FBXO4: variants seen among roughly 807,000 people sequenced by gnomAD.
FBXO4 encodes the protein F-box protein 4.
Under a neutral mutation model 43.7 loss-of-function variants are expected in FBXO4, and 36 were observed. The ratio of observed to expected loss-of-function variants is 0.82; its 90% CI spans 0.63 to 1.09. The LOEUF (loss-of-function observed/expected upper bound fraction) is 1.09, where lower values mean the gene tolerates loss of function less well. Ranked by LOEUF, FBXO4 falls within the 50% of genes least tolerant of loss-of-function variation. FBXO4 has a pLI of 0.00. For synonymous variants in FBXO4, 180 were observed against 165.6 expected (o/e 1.09, Z -0.67); for missense variants, 435 against 474.1 (o/e 0.92, Z 0.77).
At chr5:41,940,750 C>G (rs1751985458) in intron 6 of FBXO4, among the ~76,000 whole-genome samples, 3 of 152,198 alleles carry the variant, frequency 2.0e-5, no homozygotes, top group Admixed American at 1.3e-4. Context: ...TTGAAAACTA[C>G]TAATAAAGTT....
the FBXO4 span, among the ~76,000 whole-genome samples, chr5:41,997,732 T>C: frequency 1.3e-5 from 2 of 152,164 alleles, no homozygotes; most frequent in Non-Finnish European, 2.9e-5. Flanking sequence ...CAGTGTCCAG[T>C]ACTCCCCAAA....
At chr5:41,956,697 T>TA in the FBXO4 span, among the ~76,000 whole-genome samples, 11,508 of 148,488 alleles carry the variant, frequency 0.078, 645 homozygotes, top group African/African-American at 0.16. Context: ...TTGTATGTAA[T>TA]TTTTTTTTCT....
chr5:41,974,090 C>T, the FBXO4 span, among the ~76,000 whole-genome samples: 1 of 152,112 alleles, frequency 6.6e-6, no homozygotes, highest in Non-Finnish European at 1.5e-5. Context: ...TGTTATCTTT[C>T]TTTCTCCGTA....
the FBXO4 span, among the ~76,000 whole-genome samples, chr5:41,952,945 T>A: frequency 2.6e-5 from 4 of 152,208 alleles, no homozygotes; most frequent in Admixed American, 6.5e-5. Context: ...ATTCTATCAG[T>A]TTTTTTCTTT....
At chr5:42,022,650 A>T in the FBXO4 span, among the ~76,000 whole-genome samples, 2 of 152,012 alleles carry the variant, frequency 1.3e-5, no homozygotes, top group African/African-American at 2.4e-5. Context: ...TTATAGACAT[A>T]ATTAGTTACA....
intron 3 of FBXO4, among the ~76,000 whole-genome samples, chr5:41,932,816 C>T (rs1172516142): frequency 1.3e-5 from 2 of 152,042 alleles, no homozygotes; most frequent in South Asian, 4.1e-4. Flanking sequence ...ATTTATATAA[C>T]AGGATGAAGT....
At chr5:41,939,731 AT>A in intron 6 of FBXO4, 115 bp downstream of exon 6, 5 of 817,086 alleles carry the variant, frequency 6.1e-6, no homozygotes, top group Non-Finnish European at 9.1e-6. Flanking sequence ...GTCAATTTTA[AT>A]AGCTTAATCT....
chr5:41,950,534 A>T, the FBXO4 span, among the ~76,000 whole-genome samples: 8 of 152,242 alleles, frequency 5.3e-5, no homozygotes, highest in African/African-American at 1.9e-4. Flanking sequence ...CGCCAGTTAG[A>T]ACAGCAATCA....
chr5:41,971,234 ATG>A, the FBXO4 span, among the ~76,000 whole-genome samples: 15 of 141,446 alleles, frequency 1.1e-4, no homozygotes, highest in African/African-American at 1.8e-4. Flanking sequence ...GTGTGTGTGT[ATG>A]TGTGTGTGTG....
the FBXO4 span, among the ~76,000 whole-genome samples, chr5:41,972,627 A>T: frequency 3.3e-5 from 5 of 152,334 alleles, no homozygotes; most frequent in East Asian, 9.6e-4. Flanking sequence ...AGCAATCCTA[A>T]GCAGAAAGAA....
chr5:41,934,471 G>T (rs1020666153), intron 5 of FBXO4, 163 bp downstream of exon 5: 4 of 1,448,560 alleles, frequency 2.8e-6, no homozygotes, highest in Non-Finnish European at 1.8e-6. Context: ...ACTTTTGTGT[G>T]TATTAGGATC....
At chr5:42,020,885 C>T in the FBXO4 span, among the ~76,000 whole-genome samples, 1 of 152,100 alleles carries the variant, frequency 6.6e-6, no homozygotes, top group African/African-American at 2.4e-5. Flanking sequence ...GATATTTAAA[C>T]TAAGACCTTA....
the FBXO4 span, among the ~76,000 whole-genome samples, chr5:41,952,683 A>G: frequency 6.6e-6 from 1 of 152,282 alleles, no homozygotes. Flanking sequence ...CTATAGACTT[A>G]CCCATTGTGG....
At chr5:41,963,705 G>A in the FBXO4 span, among the ~76,000 whole-genome samples, 1 of 152,090 alleles carries the variant, frequency 6.6e-6, no homozygotes, top group East Asian at 1.9e-4. Flanking sequence ...CATCTTCATT[G>A]TCTTCATATT....
In FBXO4 at chr5:41,934,602, C is replaced by G. The variant is rs77417301; in HGVS notation, c.898+294C>G. 5,033 of 1,298,176 alleles carry G rather than the reference C, an allele frequency of 3.9e-3. 186 individuals carry two copies. The Admixed American group carries it at 0.084, about 22-fold the overall frequency. 80.4% of individuals were successfully genotyped at this position (1,298,176 alleles called of 1,614,324 possible). On this transcript the variant is annotated intron_variant, in intron 5 of 6. Transcript: ENST00000281623. ...GTTTTTTCCAAGCACCCAGGGAATT[C>G]TGATGCATTCCAAAGTTTGGTACTA...
At chr5:41,948,714 T>A in the FBXO4 span, among the ~76,000 whole-genome samples, 1 of 152,242 alleles carries the variant, frequency 6.6e-6, no homozygotes, top group Non-Finnish European at 1.5e-5. Context: ...TTTGCCATTT[T>A]TAGCATTCTG....
chr5:42,002,017 T>C, the FBXO4 span, among the ~76,000 whole-genome samples: 12 of 152,142 alleles, frequency 7.9e-5, no homozygotes, highest in Non-Finnish European at 1.5e-4. Flanking sequence ...TAAAAAATAG[T>C]TTGTTGTTTG....
Position 41,941,179 on chromosome 5 carries a change from T to TA in FBXO4, c.1075-12dup, listed in dbSNP as rs1561173044. 6.2e-7 allele frequency: 1 copy of TA among 1,609,986 alleles called. No individual in the cohort carries two copies. The highest frequency in any genetic ancestry group is 2.2e-5 in the East Asian group (1 of 44,814). Reference sequence around the variant, plus strand: ...GTTTCTTACTAACAACATTCTCTCTTATGTATTCCGAGGTCCAGGATACAG... The same window carrying TA: ...GTTTCTTACTAACAACATTCTCTCTTAATGTATTCCGAGGTCCAGGATACAG... On this transcript the variant is annotated splice_polypyrimidine_tract_variant and intron_variant, in intron 6 of 6. Transcript: ENST00000281623.
At chr5:42,032,504 A>G in the FBXO4 span, among the ~76,000 whole-genome samples, 1 of 152,102 alleles carries the variant, frequency 6.6e-6, no homozygotes, top group Non-Finnish European at 1.5e-5. Context: ...CTTACCTCTT[A>G]GCCCCCACCA....
Sources: gnomAD v4.1 joint callset for allele counts (sites outside exome capture counted in the v4.1 genomes callset) on GRCh38, gnomAD v4.1.1 for gene constraint, MANE v1.5 for transcripts, NCBI Gene and HGNC (gene_info 2026-07-23, HGNC 2026-07-21) for gene names.